Variants in R3HDM4 observed in about 807,000 individuals in gnomAD.
R3HDM4 encodes R3H domain containing 4, also known as R3H domain-containing protein 4.
In R3HDM4, 30 loss-of-function variants were observed where a neutral mutation model predicts 31.3. The ratio of observed to expected loss-of-function variants is 0.96; its 90% CI spans 0.72 to 1.30. The LOEUF (loss-of-function observed/expected upper bound fraction) is 1.30, where lower values mean the gene tolerates loss of function less well. Among genes scored for constraint, R3HDM4 ranks in the 50% most tolerant of loss-of-function variants. R3HDM4 has a pLI of 0.00. For missense variants in R3HDM4, 444 were observed against 366.1 expected, an observed-to-expected ratio of 1.21 and a Z score of -1.74; for synonymous variants, 196 against 156.6, an observed-to-expected ratio of 1.25 and a Z score of -1.88.
In R3HDM4 at chr19:900,167, G is replaced by A. The variant is rs369345406; in HGVS notation, c.476-21C>T. The A allele has an allele frequency of 7.8e-5, 120 of 1,544,084 alleles. 1 individual carries two copies. In the Middle Eastern group the frequency reaches 1.9e-3, roughly 25 times the overall value. ...GTCCTCTGCAGGAGTGGGGGAACAA[G>A]GGGCAGTCTTGGGGTGCTCGTCCTG... On this transcript the variant is annotated intron_variant, in intron 4 of 7. Transcript: ENST00000361574.
At chr19:902,764 C>G (rs1392645268) in intron 1 of R3HDM4, 2 of 152,212 alleles carry the variant, frequency 1.3e-5, no homozygotes, top group African/African-American at 2.4e-5. Context: ...AGGGTGAAAC[C>G]CTGTCTCTAC....
rs952628141 is a variant in R3HDM4 at position 908,503 on chromosome 19, A to G, written c.71+4584T>C. Among the ~76,000 whole-genome samples the G allele has an allele frequency of 3.3e-5, 5 of 150,916 alleles. No individual in the cohort carries two copies. The South Asian group carries it at 1.1e-3, about 32-fold the overall frequency. ...TGGGCGCCTGTGGTCCCAGCTACTCAGGAGGCTGAGGCAGGAGAATCACTT... is the reference window on the plus strand; with the variant it reads ...TGGGCGCCTGTGGTCCCAGCTACTCGGGAGGCTGAGGCAGGAGAATCACTT... On this transcript the variant is annotated intron_variant, in intron 1 of 7. Transcript: ENST00000361574.
At chr19:912,435 G>A (rs350154) in intron 1 of R3HDM4, among the ~76,000 whole-genome samples, 8 of 80,872 alleles carry the variant, frequency 9.9e-5, no homozygotes, top group Non-Finnish European at 1.9e-4. Flanking sequence ...AGGGAGTTGG[G>A]GGGTGGAACC....
rs1422104108 is a variant in R3HDM4, at chr19:896,756, G to GAGGAA, written c.*676_*680dup. The GAGGAA allele has an allele frequency of 1.3e-5, 2 of 152,638 alleles. No homozygotes were observed. Among genetic ancestry groups the GAGGAA allele is most frequent in the Non-Finnish European group, 2.9e-5 (2 of 68,062 alleles). 9.5% of individuals were successfully genotyped at this position (152,638 alleles called of 1,614,324 possible). On this transcript the variant is annotated 3_prime_UTR_variant, in exon 8 of 8. Transcript: ENST00000361574. The surrounding 1 kb of genome is among the most constrained non-coding windows in gnomAD (Gnocchi z 4.0). ...CCTGGACCCCCAGCATAAAGGAGGGGAGGAAAGGAAGGGGGCTCATATAAA... is the reference window on the plus strand; with the variant it reads ...CCTGGACCCCCAGCATAAAGGAGGGGAGGAAAGGAAAGGAAGGGGGCTCATATAAA...
intron 4 of R3HDM4, 94 bp from the exon 5 acceptor site, chr19:900,240 A>G: frequency 2.0e-6 from 2 of 989,224 alleles, no homozygotes; most frequent in South Asian, 1.6e-5. Flanking sequence ...GACCACGCCC[A>G]TCTGTGCCTT....
intron 7 of R3HDM4, among the ~76,000 whole-genome samples, chr19:898,900 G>A (rs1193286338): frequency 2.0e-5 from 3 of 152,312 alleles, no homozygotes; most frequent in East Asian, 1.9e-4. Context: ...TCCAGGCGGG[G>A]CGGCAGAGAC....
In R3HDM4 at chr19:902,035, C is replaced by T. The variant is rs773699614; in HGVS notation, c.167G>A (p.Arg56Gln). 1.8e-5 allele frequency: 29 copies of T among 1,613,832 alleles called. No individual in the cohort carries two copies. The highest frequency in any genetic ancestry group is 3.3e-5 in the South Asian group (3 of 91,096). Residue 56 changes from arginine to glutamine, a missense_variant, in exon 2 of 8, where the codon CGG becomes CAG. Arg to Gln is a conservative substitution (Grantham distance 43). Transcript: ENST00000361574. Reference sequence around the variant, plus strand: ...GGCCTTGGGCACGAGGTCTGAGTTCCGCACTGCCTGGTTGATGAAGTGCTG... The same window carrying T: ...GGCCTTGGGCACGAGGTCTGAGTTCTGCACTGCCTGGTTGATGAAGTGCTG... ...RKQHFINQAV[R>Q]NSDLVPKAKG...
At chr19:909,314 G>A (rs113056620) in intron 1 of R3HDM4, among the ~76,000 whole-genome samples, 4 of 152,184 alleles carry the variant, frequency 2.6e-5, no homozygotes, top group Non-Finnish European at 4.4e-5. Context: ...GAACCGACTT[G>A]TGCATCAGGA....
rs1380108138 is a variant in R3HDM4 at position 900,953 on chromosome 19, C to T, written c.352-1G>A. The T allele has an allele frequency of 6.3e-7, 1 of 1,585,400 alleles. No individual in the cohort carries two copies. The highest frequency in any genetic ancestry group is 1.1e-5 in the South Asian group (1 of 88,228). ...AGCGGTTCATGAAATCGTTCCAGAC[C>T]TGGAAGAGAGGCAGGGAGGCAGGCT... On this transcript the variant is annotated splice_acceptor_variant, in intron 3 of 7. Transcript: ENST00000361574. LOFTEE classifies it high-confidence loss of function.
At chr19:898,315 G>A in intron 7 of R3HDM4, among the ~76,000 whole-genome samples, 1 of 149,866 alleles carries the variant, frequency 6.7e-6, no homozygotes, top group South Asian at 2.1e-4. Flanking sequence ...TGAGGCAGGA[G>A]AATGGCGTGA....
At chr19:909,273 C>T (rs1389842286) in intron 1 of R3HDM4, among the ~76,000 whole-genome samples, 2 of 152,174 alleles carry the variant, frequency 1.3e-5, no homozygotes, top group African/African-American at 4.8e-5. Flanking sequence ...CTGGTCCCTC[C>T]CCCAGGAACC....
rs114475717 is a variant in R3HDM4, at chr19:899,022, A to G, written c.703+418T>C. ...GCGCCCCGTTGGAAAAGTGGAGCGC[A>G]GGGGCCAGTAGGGGGTCTCGCCTGA... On this transcript the variant is annotated intron_variant, in intron 7 of 7. Transcript: ENST00000361574. The surrounding 1 kb of genome is among the most constrained non-coding windows in gnomAD (Gnocchi z 6.8). Among the ~76,000 whole-genome samples, 2,366 of 152,212 alleles carry G rather than the reference A, an allele frequency of 0.016. 72 individuals carry two copies. Among genetic ancestry groups the G allele is most frequent in the African/African-American group, 0.055 (2,273 of 41,526 alleles).
At position 902,041 on chromosome 19, in the gene R3HDM4, G is replaced by A. The variant is rs1568340850; in HGVS notation, c.161C>T (p.Ala54Val). Residue 54 changes from alanine to valine, a missense_variant, in exon 2 of 8, where the codon GCA becomes GTA. Ala to Val is a moderately conservative substitution (Grantham distance 64). Transcript: ENST00000361574. ...GGGCACGAGGTCTGAGTTCCGCACTGCCTGGTTGATGAAGTGCTGTTTCCG... is the reference window on the plus strand; with the variant it reads ...GGGCACGAGGTCTGAGTTCCGCACTACCTGGTTGATGAAGTGCTGTTTCCG... ...SRRKQHFINQ[A>V]VRNSDLVPKA... is the part of the protein sequence containing the mutation. 1 of 1,613,922 alleles carries A rather than the reference G, an allele frequency of 6.2e-7. No homozygotes were observed. The highest frequency in any genetic ancestry group is 8.5e-7 in the Non-Finnish European group (1 of 1,180,008).
In R3HDM4 at chr19:900,900, C is replaced by G; in HGVS notation, c.404G>C (p.Arg135Pro). 1.9e-6 allele frequency: 3 copies of G among 1,605,108 alleles called. No individual in the cohort carries two copies. Among genetic ancestry groups the G allele is most frequent in the Non-Finnish European group, 2.5e-6 (3 of 1,177,336 alleles). ...RSGEEQERVL[R>P]YLEDEGRSKA... ...GCTCCTGCCCTCATCCTCCAGGTAGCGAAGAACCCGCTCCTGCTCCTCCCC... is the reference window on the plus strand; with the variant it reads ...GCTCCTGCCCTCATCCTCCAGGTAGGGAAGAACCCGCTCCTGCTCCTCCCC... The change falls in exon 4 of 8, where the codon CGC (arginine) becomes CCC (proline). Residue 135 changes from arginine to proline, a missense_variant. Arg to Pro is a moderately radical substitution (Grantham distance 103, BLOSUM62 -2). Transcript: ENST00000361574.
At chr19:901,398 G>A (rs781259427) in intron 3 of R3HDM4, 24 bp downstream of exon 3, 8 of 1,597,424 alleles carry the variant, frequency 5.0e-6, no homozygotes, top group Middle Eastern at 4.4e-4. Flanking sequence ...CGTGTGGAGG[G>A]AGTGAGGGGG....
At chr19:900,440 C>G (rs1232164923) in intron 4 of R3HDM4, among the ~76,000 whole-genome samples, 1 of 151,738 alleles carries the variant, frequency 6.6e-6, no homozygotes, top group Non-Finnish European at 1.5e-5. Context: ...CCACCCCTAC[C>G]CACTGCCATC....
At chr19:902,935 T>G (rs2036855659) in intron 1 of R3HDM4, among the ~76,000 whole-genome samples, 1 of 151,956 alleles carries the variant, frequency 6.6e-6, no homozygotes, top group South Asian at 2.1e-4. Context: ...GAGTGAGACC[T>G]TGTCTCAAAA....
rs554146664 is a variant in R3HDM4 at position 907,106 on chromosome 19, C to T, written c.72-4976G>A. 1.2e-4 allele frequency among the ~76,000 whole-genome samples: 19 copies of T among 152,292 alleles called. No homozygotes were observed. In the South Asian group the frequency reaches 2.7e-3, roughly 22 times the overall value. On this transcript the variant is annotated intron_variant, in intron 1 of 7. Coordinates refer to ENST00000361574, the MANE Select transcript of R3HDM4 (RefSeq NM_138774.4). The surrounding 1 kb of genome is among the most constrained non-coding windows in gnomAD (Gnocchi z 4.1). ...CTGGGATTACAGGCATGAGCTACCA[C>T]GCCCGGCCCTCATTATACAGATTTG...
chr19:909,752 C>T (rs1322486803), intron 1 of R3HDM4, among the ~76,000 whole-genome samples: 3 of 151,810 alleles, frequency 2.0e-5, no homozygotes, highest in African/African-American at 4.8e-5. Context: ...GCTGAGATCG[C>T]GCCACTGCAC....
Sources: gnomAD v4.1 joint callset for allele counts (sites outside exome capture counted in the v4.1 genomes callset) on GRCh38, gnomAD v4.1.1 for gene constraint, Gnocchi (gnomAD v3.1) non-coding constraint, MANE v1.5 for transcripts, NCBI Gene and HGNC (gene_info 2026-07-23, HGNC 2026-07-21) for gene names.